TASP1: variants seen among roughly 807,000 people sequenced by gnomAD.
TASP1 encodes threonine aspartase 1.
Under a neutral mutation model 56.6 loss-of-function variants are expected in TASP1, and 16 were observed. The observed-to-expected ratio is 0.28, with a 90% CI of 0.19 to 0.43. TASP1 has a LOEUF of 0.43. Among genes scored for constraint, TASP1 ranks in the 20% least tolerant of loss-of-function variants. The probability of loss-of-function intolerance (pLI) is 1.00; values close to 1 mark genes in which losing one functional copy is unlikely to be tolerated. For synonymous variants in TASP1, 179 were observed against 184.2 expected (o/e 0.97, Z 0.23); for missense variants, 393 against 511.6 (o/e 0.77, Z 2.24).
the TASP1 span, chr20:13,221,856 C>A: frequency 7.0e-7 from 1 of 1,432,740 alleles, no homozygotes; most frequent in Non-Finnish European, 9.1e-7. Context: ...CTGCGCGGCT[C>A]GGGAGCCGCC....
chr20:13,189,195 A>G, the TASP1 span, among the ~76,000 whole-genome samples: 1 of 152,210 alleles, frequency 6.6e-6, no homozygotes, highest in Non-Finnish European at 1.5e-5. Context: ...TATCAACTAT[A>G]AGAATCCTAA....
At chr20:13,429,060 C>T (rs551371193) in intron 12 of TASP1, among the ~76,000 whole-genome samples, 71 of 152,260 alleles carry the variant, frequency 4.7e-4, no homozygotes, top group African/African-American at 1.6e-3. Flanking sequence ...CCTCTATAGC[C>T]CCTGTGTGTG....
chr20:13,517,077 C>T (rs1322485468), intron 10 of TASP1, among the ~76,000 whole-genome samples: 1 of 152,060 alleles, frequency 6.6e-6, no homozygotes, highest in Non-Finnish European at 1.5e-5. Flanking sequence ...CTTTGGGAAG[C>T]GCCACAGTGC....
chr20:13,184,204 C>T, the TASP1 span, among the ~76,000 whole-genome samples: 916 of 151,982 alleles, frequency 6.0e-3, 4 homozygotes, highest in Admixed American at 0.017. Flanking sequence ...ACAGTAACCT[C>T]ATAAAGGTTA....
At chr20:13,136,191 G>C in the TASP1 span, among the ~76,000 whole-genome samples, 3 of 152,126 alleles carry the variant, frequency 2.0e-5, no homozygotes, top group African/African-American at 7.2e-5. Context: ...TAAGGCAGGG[G>C]AGGGGACAAT....
chr20:13,534,434 T>C (rs2045339423), intron 8 of TASP1, among the ~76,000 whole-genome samples: 1 of 152,092 alleles, frequency 6.6e-6, no homozygotes, highest in Non-Finnish European at 1.5e-5. Flanking sequence ...TTAATATAAA[T>C]TACAGTATAC....
At chr20:13,584,425 G>A (rs1252112212) in intron 5 of TASP1, among the ~76,000 whole-genome samples, 1 of 152,128 alleles carries the variant, frequency 6.6e-6, no homozygotes, top group Non-Finnish European at 1.5e-5. Flanking sequence ...CACACAAGAG[G>A]TATGAACAGG....
In TASP1 at chr20:13,599,711, G is replaced by C. The variant is rs183442082; in HGVS notation, c.283-12341C>G. 5.7e-4 allele frequency among the ~76,000 whole-genome samples: 85 copies of C among 149,530 alleles called. 1 individual carries two copies. In the South Asian group the frequency reaches 0.012, roughly 22 times the overall value. On this transcript the variant is annotated intron_variant, in intron 4 of 13. Transcript: ENST00000337743. ...AAATCAATGTAATTCACCATATTAA[G>C]AGAAAAAGGAAAAAACCATATGATC...
chr20:13,473,046 A>G (rs1404953184), intron 11 of TASP1, among the ~76,000 whole-genome samples: 4 of 152,088 alleles, frequency 2.6e-5, no homozygotes, highest in African/African-American at 9.7e-5. Context: ...ACATACGTTT[A>G]TTTCAGAACT....
At chr20:13,572,569 C>T (rs1004019784) in intron 6 of TASP1, among the ~76,000 whole-genome samples, 4 of 151,464 alleles carry the variant, frequency 2.6e-5, no homozygotes, top group African/African-American at 4.9e-5. Flanking sequence ...ACCTGTAATC[C>T]CAGCTACTCG....
chr20:13,592,173 C>T (rs988667484), intron 4 of TASP1, among the ~76,000 whole-genome samples: 6 of 151,414 alleles, frequency 4.0e-5, no homozygotes, highest in African/African-American at 9.7e-5. Flanking sequence ...CCAAGGCAGG[C>T]GTATCACGAG....
chr20:13,301,391 G>A, the TASP1 span, among the ~76,000 whole-genome samples: 8 of 152,174 alleles, frequency 5.3e-5, no homozygotes, highest in Non-Finnish European at 1.2e-4. Context: ...GTTTCACCAT[G>A]TTGGCCAGGC....
intron 10 of TASP1, among the ~76,000 whole-genome samples, chr20:13,484,456 C>T (rs755792640): frequency 1.1e-4 from 16 of 152,022 alleles, no homozygotes; most frequent in Admixed American, 2.6e-4. Context: ...GCACATAGGC[C>T]GGGCACAGTG....
intron 1 of TASP1, among the ~76,000 whole-genome samples, chr20:13,632,052 A>G (rs2049108202): frequency 6.8e-6 from 1 of 147,994 alleles, no homozygotes; most frequent in African/African-American, 2.5e-5. Flanking sequence ...ACTTCGTCTC[A>G]AAAAAAAAAG....
chr20:13,318,853 T>C, the TASP1 span, among the ~76,000 whole-genome samples: 1 of 152,214 alleles, frequency 6.6e-6, no homozygotes, highest in East Asian at 1.9e-4. Context: ...AAAAGATCAA[T>C]GGTTGCCAGG....
intron 11 of TASP1, among the ~76,000 whole-genome samples, chr20:13,440,438 C>A (rs1438997231): frequency 6.6e-6 from 1 of 151,912 alleles, no homozygotes; most frequent in East Asian, 1.9e-4. Context: ...GAGCATGAAG[C>A]CAGAAGAGGC....
intron 10 of TASP1, among the ~76,000 whole-genome samples, chr20:13,490,390 G>C (rs1180167392): frequency 6.6e-6 from 1 of 152,054 alleles, no homozygotes; most frequent in Non-Finnish European, 1.5e-5. Flanking sequence ...TAAATCATCT[G>C]TTTTTGAATT....
At chr20:13,141,488 T>C in the TASP1 span, among the ~76,000 whole-genome samples, 1 of 152,172 alleles carries the variant, frequency 6.6e-6, no homozygotes, top group African/African-American at 2.4e-5. Flanking sequence ...TCCTACAGCC[T>C]TTTTTCTCTC....
the TASP1 span, among the ~76,000 whole-genome samples, chr20:13,183,546 T>A: frequency 6.6e-6 from 1 of 152,150 alleles, no homozygotes; most frequent in Non-Finnish European, 1.5e-5. Flanking sequence ...ACTAAAAACA[T>A]ATAATATTAA....
Sources: allele counts gnomAD v4.1 joint callset (sites outside exome capture counted in the v4.1 genomes callset), GRCh38; gene constraint gnomAD v4.1.1; transcripts MANE v1.5; gene names NCBI Gene and HGNC (gene_info 2026-07-23, HGNC 2026-07-21).